Variants in MRPL3 observed in about 807,000 individuals in gnomAD.
The protein encoded by MRPL3 is large ribosomal subunit protein uL3m.
In MRPL3, 43 loss-of-function variants were observed where a neutral mutation model predicts 44.3. The ratio of observed to expected loss-of-function variants is 0.97; its 90% CI spans 0.76 to 1.25. MRPL3 has a LOEUF of 1.25. Among genes scored for constraint, MRPL3 ranks in the 50% most tolerant of loss-of-function variants. The pLI is 0.00. For synonymous variants in MRPL3, 171 were observed against 152.3 expected, an observed-to-expected ratio of 1.12 and a Z score of -0.91; for missense variants, 406 against 427.6, an observed-to-expected ratio of 0.95 and a Z score of 0.45.
chr3:131,490,869 A>G (rs906104685), intron 4 of MRPL3, among the ~76,000 whole-genome samples: 1 of 152,204 alleles, frequency 6.6e-6, no homozygotes, highest in Admixed American at 6.5e-5. Context: ...AGCACCTCAC[A>G]TGATTTCTAT....
intron 6 of MRPL3, among the ~76,000 whole-genome samples, chr3:131,484,171 T>G (rs1461743292): frequency 6.6e-6 from 1 of 152,220 alleles, no homozygotes; most frequent in East Asian, 1.9e-4. Context: ...TTCTGAATTC[T>G]GTGCTAGGTA....
intron 6 of MRPL3, among the ~76,000 whole-genome samples, chr3:131,471,761 G>A (rs1933748916): frequency 6.6e-6 from 1 of 152,102 alleles, no homozygotes; most frequent in African/African-American, 2.4e-5. Context: ...AATAAAATAT[G>A]GCAAGAGTGA....
intron 4 of MRPL3, among the ~76,000 whole-genome samples, chr3:131,492,440 TG>T (rs1223197936): frequency 2.6e-5 from 4 of 152,132 alleles, no homozygotes; most frequent in Non-Finnish European, 4.4e-5. Flanking sequence ...GCAAGAGGGA[TG>T]GTTTCAGAAT....
At chr3:131,489,844 ATGAG>A in intron 5 of MRPL3, 133 bp downstream of exon 5, 6 of 536,710 alleles carry the variant, frequency 1.1e-5, no homozygotes, top group East Asian at 3.0e-5. Flanking sequence ...AAAAAACAAA[ATGAG>A]ATACAGTTTT....
chr3:131,494,279 C>T lies in MRPL3; in HGVS notation c.468+3900G>A, dbSNP rs556225647. 3.1e-3 allele frequency among the ~76,000 whole-genome samples: 475 copies of T among 152,298 alleles called. 3 individuals are homozygous for T. Among genetic ancestry groups the T allele is most frequent in the African/African-American group, 0.011 (442 of 41,562 alleles). Reference sequence around the variant, plus strand: ...ATTCTCTATTATTTTATTTCCTACACGCTGAAATTAACACTAACACCCAAC... The same window carrying T: ...ATTCTCTATTATTTTATTTCCTACATGCTGAAATTAACACTAACACCCAAC... On this transcript the variant is annotated intron_variant, in intron 4 of 9. Coordinates refer to ENST00000264995, the MANE Select transcript of MRPL3 (RefSeq NM_007208.4).
intron 4 of MRPL3, among the ~76,000 whole-genome samples, chr3:131,491,540 C>T (rs539874368): frequency 2.0e-5 from 3 of 152,286 alleles, no homozygotes; most frequent in African/African-American, 4.8e-5. Flanking sequence ...CTCCCTTCAC[C>T]AAGCCTGCCC....
chr3:131,479,868 CT>C (rs1359345892), intron 6 of MRPL3, among the ~76,000 whole-genome samples: 2 of 152,078 alleles, frequency 1.3e-5, no homozygotes, highest in Admixed American at 6.6e-5. Context: ...AAGATAAAAT[CT>C]TTTAACTGTG....
intron 1 of MRPL3, chr3:131,501,941 ATCT>A: frequency 6.5e-7 from 1 of 1,528,472 alleles, no homozygotes; most frequent in Non-Finnish European, 8.8e-7. Context: ...AAAAAAATTC[ATCT>A]TCTCCTCGCA....
Position 131,489,834 on chromosome 3 carries a change from AAAAAAC to A in MRPL3, c.568+141_568+146del, listed in dbSNP as rs1163314145. 6 of 531,684 alleles carry A rather than the reference AAAAAAC, an allele frequency of 1.1e-5. No individual in the cohort carries two copies. The East Asian group carries it at 1.8e-4, about 16-fold the overall frequency. 32.9% of individuals were successfully genotyped at this position (531,684 alleles called of 1,614,324 possible). ...TACAGGTTTTTCCACTAAAAAAAAA[AAAAAAC>A]AAAATGAGATACAGTTTTGTATTTA... On this transcript the variant is annotated intron_variant, in intron 5 of 9. Transcript: ENST00000264995.
Position 131,462,655 on chromosome 3 carries a change from T to G in MRPL3, c.*68A>C. 7.1e-7 allele frequency: 1 copy of G among 1,411,012 alleles called. No homozygotes were observed. Among genetic ancestry groups the G allele is most frequent in the South Asian group, 1.5e-5 (1 of 67,480 alleles). 87.4% of individuals were successfully genotyped at this position (1,411,012 alleles called of 1,614,324 possible). ...TAAGAAAGGAGAGTATGATTTCTGG[T>G]GGTTATGATATCACTCTGGCTCATC... On this transcript the variant is annotated 3_prime_UTR_variant, in exon 10 of 10. Transcript: ENST00000264995.
chr3:131,467,870 G>A (rs1397468526), intron 9 of MRPL3, among the ~76,000 whole-genome samples: 2 of 151,954 alleles, frequency 1.3e-5, no homozygotes, highest in Non-Finnish European at 2.9e-5. Flanking sequence ...AGGTTATCTT[G>A]TGCATTTTTT....
intron 4 of MRPL3, among the ~76,000 whole-genome samples, chr3:131,495,075 G>C (rs893183030): frequency 6.6e-6 from 1 of 152,124 alleles, no homozygotes; most frequent in Non-Finnish European, 1.5e-5. Context: ...AAAAGGCAAC[G>C]TAGTCTAATT....
intron 6 of MRPL3, among the ~76,000 whole-genome samples, chr3:131,472,244 CTTCATCTCAGGGTTGAG>C (rs1933758092): frequency 6.6e-6 from 1 of 152,136 alleles, no homozygotes; most frequent in African/African-American, 2.4e-5. Context: ...TCAGAAGGAT[CTTCATCTCAGGGTTGAG>C]AAGAAACAAA....
At chr3:131,484,225 T>C (rs1490606339) in intron 6 of MRPL3, among the ~76,000 whole-genome samples, 1 of 152,190 alleles carries the variant, frequency 6.6e-6, no homozygotes, top group Non-Finnish European at 1.5e-5. Flanking sequence ...AGCTTCTATT[T>C]TCCAGCCCAG....
intron 7 of MRPL3, among the ~76,000 whole-genome samples, chr3:131,470,819 T>C (rs944903447): frequency 3.9e-5 from 6 of 152,154 alleles, no homozygotes; most frequent in African/African-American, 1.4e-4. Flanking sequence ...ATCAATACAT[T>C]TACTTATCTA....
In MRPL3 at chr3:131,462,803, C is replaced by T; in HGVS notation, c.967G>A (p.Gly323Arg). ...TCTTCTGGCAGTTCCTCTTCATCTC[C>T]ATCAGGAAAATATGTAGGGAATGGT... ...NLPFPTYFPD[G>R]DEEELPEDLY... Residue 323 changes from glycine to arginine, a missense_variant, in exon 10 of 10, where the codon GGA (glycine) becomes AGA (arginine). Transcript: ENST00000264995. The T allele has an allele frequency of 1.2e-6, 2 of 1,612,836 alleles. No individual in the cohort carries two copies. The highest frequency in any genetic ancestry group is 1.7e-6 in the Non-Finnish European group (2 of 1,179,260).
chr3:131,480,583 A>G (rs1019947115), intron 6 of MRPL3, among the ~76,000 whole-genome samples: 5 of 152,326 alleles, frequency 3.3e-5, no homozygotes, highest in African/African-American at 9.6e-5. Flanking sequence ...TAATAGTACA[A>G]AGAGTCAACT....
Position 131,487,438 on chromosome 3 carries a change from T to TA in MRPL3, c.629+241dup, listed in dbSNP as rs1441809134. On this transcript the variant is annotated intron_variant, in intron 6 of 9. Transcript: ENST00000264995. ...CGTTGTGCACATGTACCCTAGAACT[T>TA]AAAGTATAATAAAAAAAAAACAAAT... is the stretch of plus-strand genomic sequence containing the variant. 1.7e-4 allele frequency: 65 copies of TA among 378,976 alleles called. No individual in the cohort carries two copies. In the East Asian group the frequency reaches 3.3e-3, roughly 19 times the overall value. The allele number at this position is 378,976 out of a possible 1,614,324, so 23.5% of individuals were successfully genotyped here. A position where few individuals can be genotyped will look rare whatever the true frequency, so the allele number is the denominator to read the frequency against.
chr3:131,500,052 G>C (rs1225026990), intron 3 of MRPL3, among the ~76,000 whole-genome samples: 1 of 152,108 alleles, frequency 6.6e-6, no homozygotes, highest in Non-Finnish European at 1.5e-5. Flanking sequence ...CACCAGACAA[G>C]AGTATTATAT....
Sources: allele counts gnomAD v4.1 joint callset (sites outside exome capture counted in the v4.1 genomes callset), GRCh38; gene constraint gnomAD v4.1.1; transcripts MANE v1.5; gene names NCBI Gene and HGNC (gene_info 2026-07-23, HGNC 2026-07-21).